Variants in TNS3 observed in about 807,000 individuals in gnomAD.
The protein encoded by TNS3 is tensin 3.
TNS3 carries 45 observed loss-of-function variants against 140.9 expected under a neutral mutation model. That is an observed-to-expected ratio of 0.32 (90% CI 0.25 to 0.41). TNS3 has a LOEUF of 0.41. Among genes scored for constraint, TNS3 ranks in the 10% least tolerant of loss-of-function variants. TNS3 has a pLI of 1.00. For synonymous variants in TNS3, 815 were observed against 788.4 expected, an observed-to-expected ratio of 1.03 and a Z score of -0.56; for missense variants, 1,716 against 1,906.7, an observed-to-expected ratio of 0.90 and a Z score of 1.86.
chr7:47,536,088 C>T (rs1584828842), intron 1 of TNS3, among the ~76,000 whole-genome samples: 1 of 152,322 alleles, frequency 6.6e-6, no homozygotes, highest in East Asian at 1.9e-4. Flanking sequence ...CACAGGGGGC[C>T]GGTATCTGGG....
chr7:47,550,576 T>A (rs1800035079), intron 1 of TNS3, among the ~76,000 whole-genome samples: 1 of 152,146 alleles, frequency 6.6e-6, no homozygotes, highest in Non-Finnish European at 1.5e-5. Flanking sequence ...GCAAGGCACA[T>A]GAGAACAAAA....
chr7:47,544,482 T>C (rs1799870067), intron 1 of TNS3, among the ~76,000 whole-genome samples: 1 of 151,564 alleles, frequency 6.6e-6, no homozygotes, highest in Non-Finnish European at 1.5e-5. Context: ...ATGAATGGGG[T>C]TAATGCCTTT....
intron 17 of TNS3, among the ~76,000 whole-genome samples, chr7:47,361,213 A>AC: frequency 6.9e-6 from 1 of 145,782 alleles, no homozygotes; most frequent in East Asian, 2.0e-4. Flanking sequence ...TGCCAAAAAA[A>AC]AAAAAAAAAA....
chr7:47,531,029 A>G (rs1304426150), intron 1 of TNS3, among the ~76,000 whole-genome samples: 1 of 151,574 alleles, frequency 6.6e-6, no homozygotes, highest in Non-Finnish European at 1.5e-5. Context: ...TAAAAAATAT[A>G]AGTGAGAAGA....
rs148447817 is a variant in TNS3 at position 47,439,418 on chromosome 7, A to T, written c.150+69T>A. 4.2e-5 allele frequency: 65 copies of T among 1,533,154 alleles called. No individual in the cohort carries two copies. The East Asian group carries it at 8.4e-4, about 20-fold the overall frequency. 95.0% of individuals were successfully genotyped at this position (1,533,154 alleles called of 1,614,324 possible). ...CTCATGTGTAAACCAGTGTTCTGTG[A>T]GTGCCCATCCCTACACAGTGCCTGC... On this transcript the variant is annotated intron_variant, in intron 6 of 30. Coordinates refer to ENST00000311160, the MANE Select transcript of TNS3 (RefSeq NM_022748.12).
intron 27 of TNS3, among the ~76,000 whole-genome samples, chr7:47,286,108 G>C (rs1225077482): frequency 6.6e-6 from 1 of 152,124 alleles, no homozygotes; most frequent in Non-Finnish European, 1.5e-5. Context: ...TTATGAAAGA[G>C]AGAAAAAAGG....
At chr7:47,419,333 A>C (rs57497560) in intron 10 of TNS3, among the ~76,000 whole-genome samples, 12,418 of 152,226 alleles carry the variant, frequency 0.082, 1,194 homozygotes, top group African/African-American at 0.23. Context: ...GTGGGCAGCA[A>C]GGAGGATGTG....
intron 22 of TNS3, among the ~76,000 whole-genome samples, chr7:47,302,572 C>T (rs1786469247): frequency 6.6e-6 from 1 of 152,224 alleles, no homozygotes; most frequent in African/African-American, 2.4e-5. Flanking sequence ...ATAGACCACA[C>T]TGCTTCTTAT....
chr7:47,580,177 G>A (rs1412820965), intron 1 of TNS3, among the ~76,000 whole-genome samples: 1 of 152,128 alleles, frequency 6.6e-6, no homozygotes, highest in Non-Finnish European at 1.5e-5. Flanking sequence ...CGACAGACGC[G>A]CAGCAGCAGC....
At chr7:47,308,272 T>C (rs1786876064) in intron 20 of TNS3, among the ~76,000 whole-genome samples, 1 of 152,236 alleles carries the variant, frequency 6.6e-6, no homozygotes, top group African/African-American at 2.4e-5. Context: ...TCCATCTAGG[T>C]TATTTTTCAT....
intron 2 of TNS3, among the ~76,000 whole-genome samples, chr7:47,527,352 AG>A (rs1799234404): frequency 6.6e-6 from 1 of 152,246 alleles, no homozygotes; most frequent in Non-Finnish European, 1.5e-5. Flanking sequence ...AAAGGCACAA[AG>A]CCCCTACTGG....
chr7:47,301,328 A>G (rs965575215), intron 23 of TNS3, among the ~76,000 whole-genome samples: 6 of 152,124 alleles, frequency 3.9e-5, no homozygotes, highest in Non-Finnish European at 8.8e-5. Context: ...CTTGCCAGTC[A>G]CACACCATCT....
chr7:47,406,111 G>A (rs1793434477), intron 13 of TNS3, among the ~76,000 whole-genome samples: 1 of 152,192 alleles, frequency 6.6e-6, no homozygotes, highest in African/African-American at 2.4e-5. Flanking sequence ...CCATGGCACT[G>A]TCTGACAATG....
intron 1 of TNS3, among the ~76,000 whole-genome samples, chr7:47,575,720 G>A (rs1475839033): frequency 6.6e-6 from 1 of 150,826 alleles, no homozygotes; most frequent in Non-Finnish European, 1.5e-5. Context: ...CTACTTGGGA[G>A]GCTGAGGCAG....
At chr7:47,320,940 G>C (rs1787700279) in intron 20 of TNS3, among the ~76,000 whole-genome samples, 1 of 152,200 alleles carries the variant, frequency 6.6e-6, no homozygotes, top group Non-Finnish European at 1.5e-5. Context: ...CTGGCCCCTG[G>C]CAAGCACTCG....
In TNS3 at chr7:47,278,335, A is replaced by G. The variant is rs1784963760; in HGVS notation, c.4194-115T>C. ...GAATTTTAAGTGGCACCTATCAAAA[A>G]TCAACCACGTGCCCAGCACCCTGCT... On this transcript the variant is annotated intron_variant, in intron 30 of 30. Transcript: ENST00000311160. 15 of 1,256,392 alleles carry G rather than the reference A, an allele frequency of 1.2e-5. No homozygotes were observed. The East Asian group carries it at 1.3e-4, about 11-fold the overall frequency. The allele number at this position is 1,256,392 out of a possible 1,614,324, so 77.8% of individuals were successfully genotyped here.
At chr7:47,333,406 G>C (rs1183797196) in intron 20 of TNS3, among the ~76,000 whole-genome samples, 2 of 152,160 alleles carry the variant, frequency 1.3e-5, no homozygotes, top group African/African-American at 4.8e-5. Flanking sequence ...CATGTATCCA[G>C]GCATGTCTAT....
intron 28 of TNS3, among the ~76,000 whole-genome samples, chr7:47,281,823 AC>A (rs1467854617): frequency 6.6e-6 from 1 of 152,206 alleles, no homozygotes; most frequent in East Asian, 1.9e-4. Context: ...GGAACAGTCA[AC>A]ATTGTGAGGG....
intron 4 of TNS3, among the ~76,000 whole-genome samples, chr7:47,459,006 G>A (rs1237435880): frequency 3.9e-5 from 6 of 152,138 alleles, no homozygotes; most frequent in South Asian, 4.2e-4. Context: ...ACTTTCTTCC[G>A]CCCATACTTA....
Sources: gnomAD v4.1 joint callset for allele counts (sites outside exome capture counted in the v4.1 genomes callset) on GRCh38, gnomAD v4.1.1 for gene constraint, MANE v1.5 for transcripts, NCBI Gene and HGNC (gene_info 2026-07-23, HGNC 2026-07-21) for gene names.